FAM184B: variants seen among roughly 807,000 people sequenced by gnomAD.
The protein encoded by FAM184B is protein FAM184B.
FAM184B carries 111 observed loss-of-function variants against 135.9 expected under a neutral mutation model. That is an observed-to-expected ratio of 0.82 (90% CI 0.70 to 0.96). The LOEUF (loss-of-function observed/expected upper bound fraction) is 0.96, where lower values mean the gene tolerates loss of function less well. FAM184B is among the 40% of genes least tolerant of loss of function. The probability of loss-of-function intolerance (pLI) is 0.00; values close to 1 mark genes in which losing one functional copy is unlikely to be tolerated. For missense variants in FAM184B, 1,375 were observed against 1,323.9 expected, an observed-to-expected ratio of 1.04 and a Z score of -0.60; for synonymous variants, 552 against 524.8, an observed-to-expected ratio of 1.05 and a Z score of -0.71.
chr4:17,773,469 C>G (rs1477929740), intron 1 of FAM184B, among the ~76,000 whole-genome samples: 1 of 152,230 alleles, frequency 6.6e-6, no homozygotes, highest in Non-Finnish European at 1.5e-5. Flanking sequence ...CGCATTTCTT[C>G]CTGGGTACAT....
rs551204599 is a variant in FAM184B, at chr4:17,717,236, G to A, written c.142-7592C>T. On this transcript the variant is annotated intron_variant, in intron 1 of 17. Coordinates refer to ENST00000265018, the MANE Select transcript of FAM184B (RefSeq NM_015688.2). The stretch of plus-strand genomic sequence containing the variant: ...GATCAAATAGGGTAATATATCTTAG[G>A]TGTCTGGCACGTAGTAAATACTTAT... Among the ~76,000 whole-genome samples, 4 of 152,254 alleles carry A rather than the reference G, an allele frequency of 2.6e-5. No individual in the cohort carries two copies. The East Asian group carries it at 5.8e-4, about 22-fold the overall frequency.
Position 17,707,733 on chromosome 4 carries a change from C to T in FAM184B, c.946G>A (p.Gly316Ser), listed in dbSNP as rs772804448. 3 of 1,551,914 alleles carry T rather than the reference C, an allele frequency of 1.9e-6. No homozygotes were observed. Among genetic ancestry groups the T allele is most frequent in the Non-Finnish European group, 8.7e-7 (1 of 1,147,026 alleles). ...EARQENSELK[G>S]TAKKLGEKLA... ...TTCTCCCCAAGTTTTTTTGCAGTGC[C>T]TTTCAACTCTGAATTCTCCTGTCGA... is the stretch of plus-strand genomic sequence containing the variant. The change falls in exon 3 of 18, where the codon GGC becomes AGC. Residue 316 changes from glycine (G) to serine (S), a missense_variant. Transcript: ENST00000265018.
chr4:17,724,460 G>A (rs1232750259), intron 1 of FAM184B, among the ~76,000 whole-genome samples: 1 of 152,232 alleles, frequency 6.6e-6, no homozygotes, highest in Non-Finnish European at 1.5e-5. Context: ...CCTCCCTTGA[G>A]GGATTTGGCT....
intron 14 of FAM184B, among the ~76,000 whole-genome samples, chr4:17,637,360 GTAAC>G (rs1040960338): frequency 3.3e-5 from 5 of 152,220 alleles, no homozygotes; most frequent in African/African-American, 7.2e-5. Context: ...CCAGAGAAGA[GTAAC>G]TGGGTGGTGA....
intron 7 of FAM184B, among the ~76,000 whole-genome samples, chr4:17,666,584 A>T (rs566692079): frequency 7.0e-6 from 1 of 142,594 alleles, no homozygotes; most frequent in South Asian, 2.2e-4. Context: ...TCCGCCTCCC[A>T]AAGTGCTGGG....
intron 7 of FAM184B, among the ~76,000 whole-genome samples, chr4:17,670,004 T>C (rs940683993): frequency 4.6e-5 from 7 of 152,214 alleles, no homozygotes; most frequent in African/African-American, 1.7e-4. Context: ...TGACCCTGAA[T>C]TGGTTTACAA....
rs1255585779 is a variant in FAM184B, at chr4:17,632,622, G to A, written c.3093C>T (p.Thr1031=). The change falls in exon 18 of 18, where the codon ACC becomes ACT. Residue 1031 remains threonine, a synonymous_variant. Coordinates refer to ENST00000265018, the MANE Select transcript of FAM184B (RefSeq NM_015688.2). ...TGGCTTGGGCCGTTTCACCATCTGG[G>A]GTCCTAAAAGCAAAAAAAGGTTTTT... ...QSTDAKTATR[T]PDGETAQAKE... The A allele has an allele frequency of 6.5e-7, 1 of 1,533,064 alleles. No individual in the cohort carries two copies. The highest frequency in any genetic ancestry group is 8.8e-7 in the Non-Finnish European group (1 of 1,139,026). The allele number at this position is 1,533,064 out of a possible 1,614,324, so 95.0% of individuals were successfully genotyped here.
At chr4:17,672,437 T>G (rs1291454862) in intron 7 of FAM184B, among the ~76,000 whole-genome samples, 2 of 152,218 alleles carry the variant, frequency 1.3e-5, no homozygotes, top group African/African-American at 4.8e-5. Context: ...CTTTCTTGTC[T>G]TGTTCTAGTT....
intron 1 of FAM184B, among the ~76,000 whole-genome samples, chr4:17,761,740 C>G (rs569983047): frequency 6.6e-6 from 1 of 152,134 alleles, no homozygotes; most frequent in Admixed American, 6.5e-5. Context: ...AGGCTGGTCT[C>G]GAACTCCTGA....
At chr4:17,751,031 G>A (rs562210680) in intron 1 of FAM184B, among the ~76,000 whole-genome samples, 104 of 151,904 alleles carry the variant, frequency 6.8e-4, no homozygotes, top group African/African-American at 2.4e-3. Flanking sequence ...CATAGGGCCG[G>A]GTGCGGTGGT....
intron 11 of FAM184B, among the ~76,000 whole-genome samples, chr4:17,651,214 G>C (rs760606686): frequency 6.6e-6 from 1 of 152,112 alleles, no homozygotes; most frequent in South Asian, 2.1e-4. Flanking sequence ...AAATGAGAGA[G>C]GTCTCCAGAA....
chr4:17,652,493 A>T (rs1715648107), intron 11 of FAM184B, among the ~76,000 whole-genome samples: 2 of 152,224 alleles, frequency 1.3e-5, no homozygotes, highest in Admixed American at 1.3e-4. Context: ...ATTCAATTTT[A>T]TACAAAAGGA....
chr4:17,778,675 ACT>A (rs1718977195), intron 1 of FAM184B, among the ~76,000 whole-genome samples: 1 of 152,052 alleles, frequency 6.6e-6, no homozygotes, highest in South Asian at 2.1e-4. Context: ...ACATGGTGAG[ACT>A]CTATTTCTAC....
chr4:17,671,340 A>G (rs1716165570), intron 7 of FAM184B, among the ~76,000 whole-genome samples: 1 of 152,150 alleles, frequency 6.6e-6, no homozygotes, highest in South Asian at 2.1e-4. Flanking sequence ...TTGGAGCTCT[A>G]TAGGGTCCAT....
At chr4:17,661,754 G>A (rs1715925799) in intron 8 of FAM184B, among the ~76,000 whole-genome samples, 1 of 152,222 alleles carries the variant, frequency 6.6e-6, no homozygotes, top group South Asian at 2.1e-4. Flanking sequence ...CAGAGAAACT[G>A]GAGGAGCAGC....
intron 7 of FAM184B, among the ~76,000 whole-genome samples, chr4:17,679,681 C>T (rs1317509274): frequency 1.3e-5 from 2 of 152,004 alleles, no homozygotes; most frequent in Admixed American, 6.6e-5. Context: ...GGGTATCTAC[C>T]CTGAGGAAAA....
chr4:17,723,951 G>A (rs180700196), intron 1 of FAM184B, among the ~76,000 whole-genome samples: 2 of 152,146 alleles, frequency 1.3e-5, no homozygotes, highest in African/African-American at 4.8e-5. Flanking sequence ...CATCACATCC[G>A]GGGCAGCAAG....
intron 1 of FAM184B, among the ~76,000 whole-genome samples, chr4:17,735,597 G>C (rs1395710994): frequency 1.3e-5 from 2 of 151,420 alleles, no homozygotes; most frequent in Non-Finnish European, 2.9e-5. Flanking sequence ...CCTGTCATTG[G>C]CATTTTTTTT....
At chr4:17,742,135 TGA>T (rs1326979798) in intron 1 of FAM184B, among the ~76,000 whole-genome samples, 4 of 27,706 alleles carry the variant, frequency 1.4e-4, no homozygotes, top group African/African-American at 1.9e-4. Flanking sequence ...CATATACATA[TGA>T]ATATATATAT....
Sources: gnomAD v4.1 joint callset for allele counts (sites outside exome capture counted in the v4.1 genomes callset) on GRCh38, gnomAD v4.1.1 for gene constraint, MANE v1.5 for transcripts, NCBI Gene and HGNC (gene_info 2026-07-23, HGNC 2026-07-21) for gene names.